Variants in CHRNB4 observed in about 807,000 individuals in gnomAD.
CHRNB4 encodes cholinergic receptor nicotinic beta 4 subunit.
In CHRNB4, 23 loss-of-function variants were observed where a neutral mutation model predicts 40.4. The ratio of observed to expected loss-of-function variants is 0.57; its 90% confidence interval spans 0.41 to 0.81. CHRNB4 has a LOEUF of 0.81. Ranked by LOEUF, CHRNB4 falls within the 30% of genes least tolerant of loss-of-function variation. CHRNB4 has a pLI of 0.00. For synonymous variants in CHRNB4, 285 were observed against 274.4 expected (o/e 1.04, Z -0.38); for missense variants, 568 against 670.6 (o/e 0.85, Z 1.69).
rs888787419 is a variant in CHRNB4 at position 78,657,548 on chromosome 15, ATATT to A, written c.-760-169_-760-166del. On this transcript the variant is annotated intron_variant and NMD_transcript_variant, in intron 2 of 11. Transcript: ENST00000559849. ...TGCCTGTTCCCATAATGCTAGAGGC[ATATT>A]TATTTATTTATTTATTTATGAGACG... Among the ~76,000 whole-genome samples the A allele has an allele frequency of 1.2e-3, 187 of 151,976 alleles. 1 individual carries two copies. Among genetic ancestry groups the A allele is most frequent in the African/African-American group, 4.1e-3 (170 of 41,414 alleles).
Position 78,629,010 on chromosome 15 carries a change from C to G in CHRNB4, c.1295G>C (p.Ser432Thr). 2 of 1,614,106 alleles carry G rather than the reference C, an allele frequency of 1.2e-6. No homozygotes were observed. Among genetic ancestry groups the G allele is most frequent in the Non-Finnish European group, 1.7e-6 (2 of 1,180,014 alleles). Residue 432 changes from serine (S) to threonine (T), a missense_variant, in exon 5 of 6, where the codon AGC becomes ACC. Coordinates refer to ENST00000261751, the MANE Select transcript of CHRNB4 (RefSeq NM_000750.5). The surrounding 1 kb of genome is among the most constrained non-coding windows in gnomAD (Gnocchi z 6.8). ...ATTCTTCATGTGCTGGGCGATGAAG[C>G]TGACACCTTCTAATGCCTCCTGCAC... The part of the protein sequence containing the change: ...QDVQEALEGV[S>T]FIAQHMKNDD...
upstream of CHRNB4, among the ~76,000 whole-genome samples, chr15:78,646,057 CAA>C (rs370310559): frequency 2.6e-5 from 3 of 113,588 alleles, no homozygotes; most frequent in Non-Finnish European, 3.7e-5. Flanking sequence ...GAGACCGTCT[CAA>C]AAAAAAAAAA....
chr15:78,644,974 T>A (rs188936898), upstream of CHRNB4, among the ~76,000 whole-genome samples: 4 of 152,276 alleles, frequency 2.6e-5, no homozygotes, highest in East Asian at 7.7e-4. Flanking sequence ...CCTGATGTTT[T>A]GACAGCTGAG....
chr15:78,627,482 C>T (rs953708403), intron 5 of CHRNB4: 6 of 152,196 alleles, frequency 3.9e-5, no homozygotes, highest in Admixed American at 3.3e-4. Flanking sequence ...TGGGGCTGTT[C>T]CTGCTCTTTT....
chr15:78,627,765 C>G (rs900885261), intron 5 of CHRNB4: 2 of 152,214 alleles, frequency 1.3e-5, no homozygotes, highest in African/African-American at 2.4e-5. Flanking sequence ...GTTACTATGA[C>G]ATTGTCCTTA....
intron 1 of CHRNB4, among the ~76,000 whole-genome samples, chr15:78,637,908 C>A (rs2053988597): frequency 6.6e-6 from 1 of 152,140 alleles, no homozygotes; most frequent in Non-Finnish European, 1.5e-5. Context: ...ATCCAGGACC[C>A]CTTTCCCAGA....
chr15:78,648,402 A>T (rs2054144035), intron 7 of CHRNB4, among the ~76,000 whole-genome samples: 1 of 150,156 alleles, frequency 6.7e-6, no homozygotes. Context: ...AAAAAAAAAA[A>T]AAAAAAGGAA....
rs756148761 is a variant in CHRNB4 at position 78,629,320 on chromosome 15, T to A, written c.985A>T (p.Met329Leu). Residue 329 changes from methionine (M) to leucine (L), a missense_variant, in exon 5 of 6, where the codon ATG (methionine) becomes TTG (leucine). By Grantham distance (15) the Met-to-Leu change is conservative. Around this residue, in one of 4 missense-constraint regions of CHRNB4, gnomAD observed 242 missense variants for 274.9 expected, o/e 0.88. Coordinates refer to ENST00000261751, the MANE Select transcript of CHRNB4 (RefSeq NM_000750.5). The surrounding 1 kb of genome is among the most constrained non-coding windows in gnomAD (Gnocchi z 6.8). ...VHHRSPSTHT[M>L]APWVKRCFLH... is the part of the protein sequence containing the mutation. Reference sequence around the variant, plus strand: ...AAGCAGCGCTTGACCCAGGGTGCCATGGTGTGGGTGCTGGGCGAGCGGTGG... The same window carrying A: ...AAGCAGCGCTTGACCCAGGGTGCCAAGGTGTGGGTGCTGGGCGAGCGGTGG... 3.1e-6 allele frequency: 5 copies of A among 1,613,726 alleles called. No individual in the cohort carries two copies. Among genetic ancestry groups the A allele is most frequent in the Admixed American group, 1.7e-5 (1 of 59,958 alleles).
intron 6 of CHRNB4, among the ~76,000 whole-genome samples, chr15:78,652,059 A>G (rs1453447240): frequency 6.6e-6 from 1 of 152,202 alleles, no homozygotes; most frequent in Non-Finnish European, 1.5e-5. Flanking sequence ...CTGACAGGGA[A>G]GGAGTTTGGT....
At chr15:78,625,506 C>T (rs555119730) in intron 5 of CHRNB4, among the ~76,000 whole-genome samples, 110 of 152,324 alleles carry the variant, frequency 7.2e-4, no homozygotes, top group South Asian at 5.4e-3. Flanking sequence ...CTGTCCCCCA[C>T]AGCGTTGGAG....
upstream of CHRNB4, chr15:78,661,282 G>A (rs1041083464): frequency 2.7e-5 from 16 of 599,978 alleles, no homozygotes; most frequent in Admixed American, 1.3e-4. Context: ...AGGATGCGGC[G>A]GCAGCCCGGC....
At position 78,635,670 on chromosome 15, in the gene CHRNB4, G is replaced by C. The variant is rs544056027; in HGVS notation, c.56-83C>G. 3.2e-6 allele frequency: 5 copies of C among 1,574,942 alleles called. No individual in the cohort carries two copies. The East Asian group carries it at 8.9e-5, about 28-fold the overall frequency. On this transcript the variant is annotated intron_variant, in intron 1 of 5. Transcript: ENST00000261751. ...CCTGTGGCAGCAGGGAGAGCTGAGAGGGAGCACAGGTGCCCTTAGGGCTGG... is the reference window on the plus strand; with the variant it reads ...CCTGTGGCAGCAGGGAGAGCTGAGACGGAGCACAGGTGCCCTTAGGGCTGG...
At chr15:78,638,687 C>T (rs2054007992) in intron 1 of CHRNB4, among the ~76,000 whole-genome samples, 1 of 152,214 alleles carries the variant, frequency 6.6e-6, no homozygotes, top group Non-Finnish European at 1.5e-5. Flanking sequence ...GACTGGAATG[C>T]ACCCCACTTG....
upstream of CHRNB4, chr15:78,661,542 T>A (rs917759309): frequency 5.6e-6 from 3 of 539,402 alleles, no homozygotes; most frequent in Non-Finnish European, 1.1e-5. Flanking sequence ...CAGGTAGATA[T>A]CCCGGCTCTT....
At chr15:78,645,584 G>A (rs912974649), upstream of CHRNB4, among the ~76,000 whole-genome samples, 5 of 151,510 alleles carry the variant, frequency 3.3e-5, no homozygotes, top group African/African-American at 1.2e-4. Context: ...TTGAGCCCCA[G>A]TTACCTTTTG....
At chr15:78,634,545 G>T (rs1273505252) in intron 2 of CHRNB4, 1 of 344,276 alleles carries the variant, frequency 2.9e-6, no homozygotes, top group Non-Finnish European at 5.8e-6. Context: ...CTTCCTGAGG[G>T]CTGTAGGTTT....
In CHRNB4 at chr15:78,629,391, A is replaced by G. The variant is rs375093496; in HGVS notation, c.914T>C (p.Leu305Pro). The change falls in exon 5 of 6, where the codon CTG becomes CCG. Residue 305 changes from leucine (L) to proline (P), a missense_variant. Around this residue, in one of 4 missense-constraint regions of CHRNB4, gnomAD observed 242 missense variants for 274.9 expected, o/e 0.88. Coordinates refer to ENST00000261751, the MANE Select transcript of CHRNB4 (RefSeq NM_000750.5). This position sits in a 1 kb window ranked among gnomAD's most constrained non-coding sequence, Gnocchi z 6.8. ...IGKYLMFTMV[L>P]VTFSIVTSVC... ...GCTGGTGACGATGGAGAAGGTGACCAGCACCATGGTGAACATGAGGTACTT... is the reference window on the plus strand; with the variant it reads ...GCTGGTGACGATGGAGAAGGTGACCGGCACCATGGTGAACATGAGGTACTT... The G allele has an allele frequency of 1.1e-5, 17 of 1,614,034 alleles. No individual in the cohort carries two copies. The highest frequency in any genetic ancestry group is 1.4e-5 in the Non-Finnish European group (17 of 1,180,032).
chr15:78,629,349 A>G lies in CHRNB4; in HGVS notation c.956T>C (p.Val319Ala). Reference protein sequence around the residue: ...SIVTSVCVLNVHHRSPSTHTM... With the variant: ...SIVTSVCVLNAHHRSPSTHTM... ...GTGGGTGCTGGGCGAGCGGTGGTGC[A>G]CATTGAGCACACAGACGCTGGTGAC... Residue 319 changes from valine to alanine, a missense_variant, in exon 5 of 6, where the codon GTG becomes GCG. Coordinates refer to ENST00000261751, the MANE Select transcript of CHRNB4 (RefSeq NM_000750.5). The surrounding 1 kb of genome is among the most constrained non-coding windows in gnomAD (Gnocchi z 6.8). 6.2e-7 allele frequency: 1 copy of G among 1,614,112 alleles called. No individual in the cohort carries two copies. The highest frequency in any genetic ancestry group is 1.1e-5 in the South Asian group (1 of 91,072).
Position 78,625,065 on chromosome 15 carries a change from C to T in CHRNB4, c.*68G>A, listed in dbSNP as rs2053618895. The T allele has an allele frequency of 6.2e-7, 1 of 1,610,850 alleles. No homozygotes were observed. Among genetic ancestry groups the T allele is most frequent in the African/African-American group, 1.3e-5 (1 of 74,920 alleles). ...TTACTTAGGGCCTCATCAGCCACAA[C>T]CCAGAAAGAAGCAGCAAAGTGCCCA... On this transcript the variant is annotated 3_prime_UTR_variant, in exon 6 of 6. Coordinates refer to ENST00000261751, the MANE Select transcript of CHRNB4 (RefSeq NM_000750.5).
Sources: gnomAD v4.1 joint callset for allele counts (sites outside exome capture counted in the v4.1 genomes callset) on GRCh38, gnomAD v4.1.1 for gene constraint, gnomAD v4.1.1 regional missense constraint, Gnocchi (gnomAD v3.1) non-coding constraint, MANE v1.5 for transcripts, NCBI Gene and HGNC (gene_info 2026-07-23, HGNC 2026-07-21) for gene names.